The following RAB38 variants were observed in gnomAD, a reference collection of about 807,000 sequenced individuals.
RAB38 encodes ras-related protein Rab-38.
In RAB38, 15 loss-of-function variants were observed where a neutral mutation model predicts 18.4. The observed-to-expected ratio is 0.82, with a 90% CI of 0.55 to 1.26. The LOEUF (loss-of-function observed/expected upper bound fraction) is 1.26. Among genes scored for constraint, RAB38 ranks in the 50% most tolerant of loss-of-function variants. The probability of loss-of-function intolerance (pLI) is 0.00; values close to 1 mark genes in which losing one functional copy is unlikely to be tolerated. For missense variants in RAB38, 294 were observed against 267.4 expected (o/e 1.10, Z -0.69); for synonymous variants, 101 against 104.4 (o/e 0.97, Z 0.20).
the RAB38 span, among the ~76,000 whole-genome samples, chr11:87,971,406 G>A: frequency 4.0e-4 from 61 of 152,098 alleles, no homozygotes; most frequent in Admixed American, 1.9e-3. Context: ...TGCAAATTGT[G>A]TTTTAATGTT....
chr11:88,034,710 G>T, the RAB38 span, among the ~76,000 whole-genome samples: 1 of 152,036 alleles, frequency 6.6e-6, no homozygotes, highest in African/African-American at 2.4e-5. Context: ...TTCTTTTACT[G>T]TTGAGTTTCA....
chr11:88,133,064 C>A (rs1447177500), intron 2 of RAB38, among the ~76,000 whole-genome samples: 1 of 151,964 alleles, frequency 6.6e-6, no homozygotes. Flanking sequence ...AGGTTAGAGT[C>A]CCATTATCCC....
chr11:87,975,837 G>A, the RAB38 span, among the ~76,000 whole-genome samples: 1 of 151,356 alleles, frequency 6.6e-6, no homozygotes, highest in Admixed American at 6.6e-5. Flanking sequence ...CCCATATCAA[G>A]ACTGACCAAA....
At chr11:87,834,998 T>G in the RAB38 span, among the ~76,000 whole-genome samples, 1 of 152,208 alleles carries the variant, frequency 6.6e-6, no homozygotes, top group African/African-American at 2.4e-5. Flanking sequence ...ATCTGCCCAT[T>G]ATGCAGTTTG....
the RAB38 span, among the ~76,000 whole-genome samples, chr11:88,074,674 A>G: frequency 6.6e-6 from 1 of 152,200 alleles, no homozygotes; most frequent in Non-Finnish European, 1.5e-5. Context: ...GAGAAAACAA[A>G]CAACGAAATG....
At chr11:87,952,886 T>G in the RAB38 span, among the ~76,000 whole-genome samples, 1 of 152,146 alleles carries the variant, frequency 6.6e-6, no homozygotes, top group Non-Finnish European at 1.5e-5. Flanking sequence ...AATCATAAGC[T>G]CATCAGTCTG....
chr11:87,872,040 T>C, the RAB38 span, among the ~76,000 whole-genome samples: 2 of 151,572 alleles, frequency 1.3e-5, no homozygotes, highest in Non-Finnish European at 3.0e-5. Context: ...AGCTTTATAA[T>C]ATAGTGGTTA....
At chr11:88,150,295 C>T (rs1389991352) in intron 1 of RAB38, among the ~76,000 whole-genome samples, 1 of 152,172 alleles carries the variant, frequency 6.6e-6, no homozygotes, top group Non-Finnish European at 1.5e-5. Flanking sequence ...TATTCTGTCA[C>T]CCTAGCTAGC....
chr11:88,055,126 AT>A, the RAB38 span, among the ~76,000 whole-genome samples: 1 of 152,218 alleles, frequency 6.6e-6, no homozygotes, highest in Non-Finnish European at 1.5e-5. Flanking sequence ...AGTACCAGCT[AT>A]TCAAGAGGCT....
At chr11:87,910,927 T>C in the RAB38 span, among the ~76,000 whole-genome samples, 1 of 152,030 alleles carries the variant, frequency 6.6e-6, no homozygotes, top group Admixed American at 6.6e-5. Context: ...TGAGCCACAG[T>C]GCGCAGCCTC....
the RAB38 span, among the ~76,000 whole-genome samples, chr11:87,906,093 C>G: frequency 6.6e-6 from 1 of 151,994 alleles, no homozygotes; most frequent in East Asian, 2.0e-4. Flanking sequence ...ATATATTTTT[C>G]TTTTCACATA....
At chr11:87,803,869 C>T in the RAB38 span, among the ~76,000 whole-genome samples, 1 of 152,218 alleles carries the variant, frequency 6.6e-6, no homozygotes. Flanking sequence ...AAAGCAAATT[C>T]CGTTAGGCCC....
intron 2 of RAB38, among the ~76,000 whole-genome samples, chr11:88,135,759 C>T (rs376232650): frequency 1.2e-4 from 18 of 152,324 alleles, no homozygotes; most frequent in South Asian, 2.1e-4. Flanking sequence ...GCTACCATAA[C>T]GAGCCTTTTG....
the RAB38 span, among the ~76,000 whole-genome samples, chr11:87,824,685 A>C: frequency 1.3e-5 from 2 of 152,182 alleles, no homozygotes; most frequent in Admixed American, 1.3e-4. Flanking sequence ...AGCTGAATAA[A>C]TGTCCAAGAA....
At chr11:87,885,555 C>A in the RAB38 span, among the ~76,000 whole-genome samples, 278 of 152,114 alleles carry the variant, frequency 1.8e-3, 2 homozygotes, top group Non-Finnish European at 2.8e-3. Context: ...GACACTGGAA[C>A]CCTGCCCATT....
chr11:88,016,172 C>G, the RAB38 span, among the ~76,000 whole-genome samples: 1 of 152,152 alleles, frequency 6.6e-6, no homozygotes, highest in South Asian at 2.1e-4. Context: ...GCAATCCAAA[C>G]TTTTATTGTC....
the RAB38 span, among the ~76,000 whole-genome samples, chr11:87,903,696 C>T: frequency 1.3e-5 from 2 of 150,864 alleles, no homozygotes; most frequent in Non-Finnish European, 3.0e-5. Flanking sequence ...CTATACGTTT[C>T]TTGGTGGGAC....
chr11:88,143,873 G>A (rs535204735), intron 2 of RAB38, among the ~76,000 whole-genome samples: 15 of 152,228 alleles, frequency 9.9e-5, no homozygotes, highest in African/African-American at 3.4e-4. Context: ...ATCTCAGATT[G>A]TCTAGTAAAT....
chr11:87,916,041 C>G, the RAB38 span, among the ~76,000 whole-genome samples: 7 of 152,260 alleles, frequency 4.6e-5, no homozygotes, highest in African/African-American at 1.7e-4. Context: ...GTCTGTCTCA[C>G]AATTGTGTCT....
Sources: allele counts gnomAD v4.1 joint callset (sites outside exome capture counted in the v4.1 genomes callset), GRCh38; gene constraint gnomAD v4.1.1; transcripts MANE v1.5; gene names NCBI Gene and HGNC (gene_info 2026-07-23, HGNC 2026-07-21).